NID2: variants seen among roughly 807,000 people sequenced by gnomAD.
NID2 encodes nidogen 2.
A neutral mutation model predicts 145.4 loss-of-function variants in NID2; 83 were observed. The observed-to-expected ratio is 0.57, with a 90% CI of 0.48 to 0.69. The LOEUF is 0.69. Among genes scored for constraint, NID2 ranks in the 30% least tolerant of loss-of-function variants. NID2 has a pLI of 0.00. For missense variants in NID2, 1,807 were observed against 1,765.7 expected, an observed-to-expected ratio of 1.02 and a Z score of -0.42; for synonymous variants, 739 against 701.3, an observed-to-expected ratio of 1.05 and a Z score of -0.85.
chr14:52,046,177 G>A (rs998699595), intron 5 of NID2, among the ~76,000 whole-genome samples: 2 of 152,102 alleles, frequency 1.3e-5, no homozygotes, highest in African/African-American at 4.8e-5. Context: ...CAAAAAATTA[G>A]CCAGGCGTGG....
At chr14:52,065,164 A>G (rs1595059574) in intron 2 of NID2, among the ~76,000 whole-genome samples, 2 of 152,194 alleles carry the variant, frequency 1.3e-5, no homozygotes, top group African/African-American at 4.8e-5. Flanking sequence ...ACCTGACAGG[A>G]ATATCCATGG....
chr14:52,063,825 G>T (rs10130626), intron 2 of NID2, among the ~76,000 whole-genome samples: 1 of 151,986 alleles, frequency 6.6e-6, no homozygotes, highest in Admixed American at 6.6e-5. Context: ...CTGTCACATG[G>T]GGGACTGTCC....
intron 20 of NID2, 183 bp from the exon 21 acceptor site, chr14:52,006,032 C>CTGCATGTTAG: frequency 3.6e-6 from 2 of 554,584 alleles, no homozygotes; most frequent in Non-Finnish European, 3.3e-6. Flanking sequence ...TCATCTCTAG[C>CTGCATGTTAG]TGCATGTTAG....
chr14:52,024,090 G>C (rs181093419), intron 12 of NID2, among the ~76,000 whole-genome samples: 43 of 152,110 alleles, frequency 2.8e-4, no homozygotes, highest in African/African-American at 8.9e-4. Context: ...TTTATGCATG[G>C]GTCTTTAGGA....
At chr14:52,014,181 C>T in intron 16 of NID2, 106 bp downstream of exon 16, 1 of 1,456,304 alleles carries the variant, frequency 6.9e-7, no homozygotes, top group Non-Finnish European at 9.6e-7. Context: ...CAGAAACCCT[C>T]CAGGACTTCC....
At chr14:52,013,154 C>CA in intron 16 of NID2, among the ~76,000 whole-genome samples, 1 of 152,316 alleles carries the variant, frequency 6.6e-6, no homozygotes, top group Non-Finnish European at 1.5e-5. Context: ...GAAAAAGTCC[C>CA]AGTTTAAGTA....
Position 52,060,173 on chromosome 14 carries a change from G to A in NID2, c.718C>T (p.Pro240Ser), listed in dbSNP as rs112271442. The A allele has an allele frequency of 5.7e-3, 9,267 of 1,614,012 alleles. 44 individuals are homozygous for A. The highest frequency in any genetic ancestry group is 6.6e-3 in the Non-Finnish European group (7,741 of 1,179,944). Residue 240 changes from proline (P) to serine (S), a missense_variant, in exon 3 of 22, where the codon CCA (proline) becomes TCA (serine). Transcript: ENST00000216286. Reference sequence around the variant, plus strand: ...TCAGTGCTAGTCAAGCTGAAATATGGTCCTTCTGACTTCAGATCATCAGCC... The same window carrying A: ...TCAGTGCTAGTCAAGCTGAAATATGATCCTTCTGACTTCAGATCATCAGCC... The part of the protein sequence containing the change: ...GEADDLKSEG[P>S]YFSLTSTEQS...
chr14:52,010,534 C>T (rs1255512189), intron 18 of NID2: 5 of 180,374 alleles, frequency 2.8e-5, no homozygotes, highest in African/African-American at 9.4e-5. Flanking sequence ...TCCCACTTCA[C>T]TTCCAGTTTA....
rs764010644 is a variant in NID2 at position 52,068,148 on chromosome 14, T to C, written c.244A>G (p.Ile82Val). 2.5e-6 allele frequency: 4 copies of C among 1,612,968 alleles called. No individual in the cohort carries two copies. The highest frequency in any genetic ancestry group is 2.5e-6 in the Non-Finnish European group (3 of 1,179,846). ...FSNLYVGTNG[I>V]ISTQDFPRET... is the part of the protein sequence containing the mutation. Reference sequence around the variant, plus strand: ...CTGGGGAAGTCCTGAGTGGAGATGATGCCGTTGGTGCCCACCTGGGAGAGG... The same window carrying C: ...CTGGGGAAGTCCTGAGTGGAGATGACGCCGTTGGTGCCCACCTGGGAGAGG... Residue 82 changes from isoleucine (I) to valine (V), a missense_variant, in exon 2 of 22, where the codon ATC becomes GTC. Transcript: ENST00000216286.
intron 14 of NID2, among the ~76,000 whole-genome samples, chr14:52,018,630 G>A (rs1404717061): frequency 2.0e-5 from 3 of 152,220 alleles, no homozygotes; most frequent in South Asian, 4.1e-4. Context: ...CTAACAGAGC[G>A]TTCATACTGT....
chr14:52,013,747 C>G (rs1023518241), intron 16 of NID2, among the ~76,000 whole-genome samples: 2 of 152,052 alleles, frequency 1.3e-5, no homozygotes, highest in African/African-American at 4.8e-5. Flanking sequence ...TCACACACTC[C>G]TCAAGTTTTC....
rs528753623 is a variant in NID2 at position 52,019,146 on chromosome 14, G to A, written c.2943C>T (p.Cys981=). 85 of 1,614,152 alleles carry A rather than the reference G, an allele frequency of 5.3e-5. No individual in the cohort carries two copies. The Admixed American group carries it at 1.0e-3, about 19-fold the overall frequency. Residue 981 remains cysteine (C), a synonymous_variant, in exon 14 of 22, where the codon TGC becomes TGT. Transcript: ENST00000216286. The part of the protein sequence containing the change: ...PLQCHGSTGF[C]WCVDPDGHEV... ...CATGACCATCAGGGTCCACGCACCA[G>A]CAGAAACCAGTGCTGCCATGACACT...
rs1891126822 is a variant in NID2, at chr14:52,014,116, A to T, written c.3420+171T>A. The T allele has an allele frequency of 7.7e-6, 6 of 780,168 alleles. No individual in the cohort carries two copies. In the Admixed American group the frequency reaches 1.0e-4, roughly 13 times the overall value. The allele number at this position is 780,168 out of a possible 1,614,324, so 48.3% of individuals were successfully genotyped here. A position where few individuals can be genotyped will look rare whatever the true frequency, so the allele number is the denominator to read the frequency against. ...TCAGTGACAGGTGACTCCCAGCAAG[A>T]GAGAGCCCTGGTCCTATGGTGGTGG... On this transcript the variant is annotated intron_variant, in intron 16 of 21. Transcript: ENST00000216286.
intron 2 of NID2, among the ~76,000 whole-genome samples, chr14:52,060,822 T>C (rs1047028958): frequency 6.6e-6 from 1 of 152,344 alleles, no homozygotes; most frequent in Non-Finnish European, 1.5e-5. Flanking sequence ...ATGACCACTA[T>C]GGGCAGGCAC....
At chr14:52,014,213 C>T in intron 16 of NID2, 74 bp downstream of exon 16, 1 of 1,585,134 alleles carries the variant, frequency 6.3e-7, no homozygotes, top group Non-Finnish European at 8.7e-7. Flanking sequence ...CACCTCACTG[C>T]AACAGGGCCT....
At chr14:52,039,649 C>T (rs1892203692) in intron 8 of NID2, among the ~76,000 whole-genome samples, 1 of 152,168 alleles carries the variant, frequency 6.6e-6, no homozygotes, top group Admixed American at 6.5e-5. Context: ...CAGCAGGGGT[C>T]AGAGGAAAGG....
At chr14:52,042,380 G>C (rs1410819819) in intron 6 of NID2, 30 bp from the exon 7 acceptor site, 1 of 1,589,538 alleles carries the variant, frequency 6.3e-7, no homozygotes, top group Admixed American at 1.7e-5. Context: ...GTTAGGCTTG[G>C]ACGTCATCCT....
intron 5 of NID2, among the ~76,000 whole-genome samples, chr14:52,052,374 A>C (rs934544444): frequency 3.9e-5 from 6 of 152,226 alleles, no homozygotes. Flanking sequence ...CTATTTATTA[A>C]GAACCAGTGA....
At chr14:52,039,083 C>A in intron 8 of NID2, 106 bp from the exon 9 acceptor site, 1 of 811,672 alleles carries the variant, frequency 1.2e-6, no homozygotes, top group South Asian at 2.0e-5. Context: ...GAGTGTGTTC[C>A]CTTGGGAACC....
Sources: allele counts gnomAD v4.1 joint callset (sites outside exome capture counted in the v4.1 genomes callset), GRCh38; gene constraint gnomAD v4.1.1; transcripts MANE v1.5; gene names NCBI Gene and HGNC (gene_info 2026-07-23, HGNC 2026-07-21).